NTN1: variants seen among roughly 807,000 people sequenced by gnomAD.
The protein encoded by NTN1 is netrin-1.
Under a neutral mutation model 54.2 loss-of-function variants are expected in NTN1, and 11 were observed. The ratio of observed to expected loss-of-function variants is 0.20; its 90% CI spans 0.13 to 0.34. The LOEUF (loss-of-function observed/expected upper bound fraction) is 0.34. Ranked by LOEUF, NTN1 falls within the 10% of genes least tolerant of loss-of-function variation. The pLI is 1.00. For missense variants in NTN1, 740 were observed against 893.1 expected, an observed-to-expected ratio of 0.83 and a Z score of 2.18; for synonymous variants, 371 against 382.0, an observed-to-expected ratio of 0.97 and a Z score of 0.33.
chr17:9,122,462 C>A (rs1212280228), intron 2 of NTN1, among the ~76,000 whole-genome samples: 1 of 152,122 alleles, frequency 6.6e-6, no homozygotes, highest in Non-Finnish European at 1.5e-5. Context: ...CTTTATTTCC[C>A]AGTGCTCCTC....
At chr17:9,223,052 G>C (rs980706998) in intron 6 of NTN1, among the ~76,000 whole-genome samples, 2 of 152,180 alleles carry the variant, frequency 1.3e-5, no homozygotes, top group African/African-American at 4.8e-5. Context: ...AAGCTGCCAG[G>C]CTATGGGCAT....
rs927925763 is a variant in NTN1, at chr17:9,169,736, A to G, written c.1207+6735A>G. ...AAGAATTAGCCGGGTGTGGTGGCGC[A>G]TGCCTGTAATCCCAGCTACTCGGGA... On this transcript the variant is annotated intron_variant, in intron 3 of 6. Transcript: ENST00000173229. 3.9e-5 allele frequency among the ~76,000 whole-genome samples: 6 copies of G among 152,326 alleles called. No homozygotes were observed. The East Asian group carries it at 9.6e-4, about 24-fold the overall frequency.
chr17:9,028,851 C>T (rs2091879903), intron 2 of NTN1, among the ~76,000 whole-genome samples: 1 of 152,144 alleles, frequency 6.6e-6, no homozygotes, highest in African/African-American at 2.4e-5. Flanking sequence ...CTGCCTTTAC[C>T]AAAATAAATG....
chr17:9,048,023 A>G (rs947036714), intron 2 of NTN1, among the ~76,000 whole-genome samples: 4 of 152,204 alleles, frequency 2.6e-5, no homozygotes, highest in African/African-American at 4.8e-5. Context: ...AATGGCATCT[A>G]GAATGGTGAA....
At chr17:9,144,159 G>A (rs1383406425) in intron 2 of NTN1, among the ~76,000 whole-genome samples, 2 of 152,042 alleles carry the variant, frequency 1.3e-5, no homozygotes, top group Non-Finnish European at 2.9e-5. Context: ...GCCTCCTAAA[G>A]TTCTAGGATT....
At chr17:9,104,193 C>T (rs528097426) in intron 2 of NTN1, among the ~76,000 whole-genome samples, 1 of 151,456 alleles carries the variant, frequency 6.6e-6, no homozygotes, top group African/African-American at 2.4e-5. Flanking sequence ...TGGTGGTTGC[C>T]CGAGGTTAGG....
intron 2 of NTN1, among the ~76,000 whole-genome samples, chr17:9,162,275 A>G (rs1380111104): frequency 1.3e-5 from 2 of 152,210 alleles, no homozygotes; most frequent in Non-Finnish European, 2.9e-5. Context: ...ACAAAGTGCC[A>G]CGGGCTGGGG....
At chr17:9,035,604 C>A (rs1390903610) in intron 2 of NTN1, among the ~76,000 whole-genome samples, 1 of 152,174 alleles carries the variant, frequency 6.6e-6, no homozygotes, top group Admixed American at 6.5e-5. Flanking sequence ...TTTTTTGAGA[C>A]AAGGTCTCTG....
At chr17:9,017,157 T>C (rs1441495668), upstream of NTN1, among the ~76,000 whole-genome samples, 1 of 151,976 alleles carries the variant, frequency 6.6e-6, no homozygotes, top group African/African-American at 2.4e-5. Flanking sequence ...CAAATAGCCT[T>C]ATCTTACAAA....
At chr17:9,226,508 G>A (rs565593945) in intron 6 of NTN1, among the ~76,000 whole-genome samples, 1 of 33,276 alleles carries the variant, frequency 3.0e-5, no homozygotes, top group Non-Finnish European at 4.5e-5. Flanking sequence ...AGGTGGTCTC[G>A]TGGGGAGGTG....
At chr17:9,105,896 C>A (rs141281421) in intron 2 of NTN1, among the ~76,000 whole-genome samples, 9 of 151,968 alleles carry the variant, frequency 5.9e-5, no homozygotes, top group African/African-American at 2.2e-4. Flanking sequence ...TGAGCAGACA[C>A]ACCCTGGTAT....
chr17:9,218,651 C>T (rs1163160647), intron 5 of NTN1, among the ~76,000 whole-genome samples: 2 of 152,106 alleles, frequency 1.3e-5, no homozygotes, highest in Non-Finnish European at 2.9e-5. Flanking sequence ...GCCCCCCACC[C>T]CCGGGGTGGG....
chr17:9,009,534 C>A, the NTN1 span, among the ~76,000 whole-genome samples: 1 of 152,178 alleles, frequency 6.6e-6, no homozygotes, highest in African/African-American at 2.4e-5. Context: ...TTGAATAATC[C>A]ATGCACTTAA....
At chr17:9,200,216 C>G (rs1234684513) in intron 5 of NTN1, among the ~76,000 whole-genome samples, 1 of 152,216 alleles carries the variant, frequency 6.6e-6, no homozygotes, top group African/African-American at 2.4e-5. Context: ...GCTGGAGAAG[C>G]CTATAGAGAG....
intron 6 of NTN1, among the ~76,000 whole-genome samples, chr17:9,229,733 GGGT>G (rs1363199651): frequency 3.9e-5 from 6 of 152,162 alleles, no homozygotes; most frequent in Non-Finnish European, 8.8e-5. Flanking sequence ...TGGTGGTAGC[GGGT>G]GGTGGTCCAG....
chr17:9,197,231 AT>A (rs1191060279), intron 5 of NTN1, among the ~76,000 whole-genome samples: 1 of 152,112 alleles, frequency 6.6e-6, no homozygotes, highest in African/African-American at 2.4e-5. Flanking sequence ...GTCTTAGGTC[AT>A]GCAGTGAGTC....
intron 2 of NTN1, among the ~76,000 whole-genome samples, chr17:9,065,289 C>T (rs9904139): frequency 0.12 from 18,554 of 152,066 alleles, 1,395 homozygotes; most frequent in Non-Finnish European, 0.16. Flanking sequence ...AGAGTGGCTC[C>T]GTCGGACGGT....
chr17:9,236,768 G>C (rs1029371763), intron 6 of NTN1, among the ~76,000 whole-genome samples: 1 of 152,222 alleles, frequency 6.6e-6, no homozygotes, highest in Admixed American at 6.5e-5. Flanking sequence ...TTTGCCCTTG[G>C]TGTTAGGCAG....
At chr17:9,041,701 T>G (rs2091922036) in intron 2 of NTN1, among the ~76,000 whole-genome samples, 1 of 152,128 alleles carries the variant, frequency 6.6e-6, no homozygotes, top group Admixed American at 6.6e-5. Flanking sequence ...AGCAGTGGAA[T>G]TGTTGGGTTA....
Sources: allele counts gnomAD v4.1 joint callset (sites outside exome capture counted in the v4.1 genomes callset), GRCh38; gene constraint gnomAD v4.1.1; transcripts MANE v1.5; gene names NCBI Gene and HGNC (gene_info 2026-07-23, HGNC 2026-07-21).